The following CAMK2D variants were observed in gnomAD, a reference collection of about 807,000 sequenced individuals.
CAMK2D encodes the protein calcium/calmodulin dependent protein kinase II delta, also known as calcium/calmodulin-dependent protein kinase type II subunit delta.
In CAMK2D, 37 loss-of-function variants were observed where a neutral mutation model predicts 84.0. That is an observed-to-expected ratio of 0.44 (90% CI 0.34 to 0.58). CAMK2D has a LOEUF of 0.58. CAMK2D is among the 20% of genes least tolerant of loss of function. CAMK2D has a pLI of 0.02. For synonymous variants in CAMK2D, 202 were observed against 212.5 expected, an observed-to-expected ratio of 0.95 and a Z score of 0.43; for missense variants, 448 against 652.5, an observed-to-expected ratio of 0.69 and a Z score of 3.41.
chr4:113,655,119 G>A (rs2099193047), intron 3 of CAMK2D, among the ~76,000 whole-genome samples: 1 of 151,916 alleles, frequency 6.6e-6, no homozygotes, highest in Admixed American at 6.6e-5. Flanking sequence ...TTGATTCTTG[G>A]AAGGAAATAA....
intron 12 of CAMK2D, among the ~76,000 whole-genome samples, chr4:113,511,260 T>G (rs2098210446): frequency 1.3e-5 from 2 of 151,896 alleles, no homozygotes; most frequent in Non-Finnish European, 2.9e-5. Flanking sequence ...GTACAAGATG[T>G]TGTAACTGGG....
chr4:113,649,099 A>G (rs1244500515), intron 3 of CAMK2D, among the ~76,000 whole-genome samples: 13 of 152,178 alleles, frequency 8.5e-5, no homozygotes, highest in Admixed American at 8.5e-4. Context: ...ATCTGATTCC[A>G]CAGCAACATC....
chr4:113,664,833 T>C (rs930865110), intron 2 of CAMK2D, among the ~76,000 whole-genome samples: 1 of 152,190 alleles, frequency 6.6e-6, no homozygotes, highest in Admixed American at 6.5e-5. Context: ...GACAGAGTTT[T>C]GCTCTTGTCA....
intron 2 of CAMK2D, among the ~76,000 whole-genome samples, chr4:113,692,908 G>A (rs1366968511): frequency 1.3e-5 from 2 of 151,970 alleles, no homozygotes; most frequent in Non-Finnish European, 2.9e-5. Context: ...ATCTTTTCAA[G>A]TTCTATTAAT....
chr4:113,739,096 G>A (rs185389482), intron 2 of CAMK2D, among the ~76,000 whole-genome samples: 11 of 152,154 alleles, frequency 7.2e-5, no homozygotes, highest in Admixed American at 5.9e-4. Context: ...ATCTTGTTTT[G>A]TCAGGCAGAT....
At chr4:113,727,775 G>A (rs983737125) in intron 2 of CAMK2D, among the ~76,000 whole-genome samples, 7 of 152,024 alleles carry the variant, frequency 4.6e-5, no homozygotes, top group Non-Finnish European at 7.4e-5. Flanking sequence ...TATCTGACAC[G>A]AATTTGTATC....
chr4:113,547,759 CACT>C, intron 5 of CAMK2D, 43 bp from the exon 6 acceptor site: 1 of 1,294,858 alleles, frequency 7.7e-7, no homozygotes, highest in Non-Finnish European at 1.1e-6. Flanking sequence ...TCCAAGCTTA[CACT>C]CACTGTCTGT....
In CAMK2D at chr4:113,552,086, C is replaced by A. The variant is rs1176557296; in HGVS notation, c.286G>T (p.Gly96Cys). Residue 96 changes from glycine (G) to cysteine (C), a missense_variant, in exon 5 of 21, where the codon GGT becomes TGT. Gly to Cys is a radical substitution (Grantham distance 159, BLOSUM62 -3). This residue lies in a region of CAMK2D where 7 missense variants were observed against 25.5 expected (regional missense o/e 0.27). Transcript: ENST00000511664. Reference protein sequence around the residue: ...HYLVFDLVTGGELFEDIVARE... With the variant: ...HYLVFDLVTGCELFEDIVARE... ...GCCACTATGTCTTCAAACAGTTCAC[C>A]TCCAGTAACTCTGGGAAGATAAAAA... 1.3e-6 allele frequency: 2 copies of A among 1,567,410 alleles called. No individual in the cohort carries two copies. The highest frequency in any genetic ancestry group is 1.8e-6 in the Non-Finnish European group (2 of 1,142,834).
intron 8 of CAMK2D, among the ~76,000 whole-genome samples, chr4:113,518,889 G>T (rs1333207915): frequency 6.6e-6 from 1 of 151,438 alleles, no homozygotes; most frequent in Non-Finnish European, 1.5e-5. Context: ...GGAAGATACA[G>T]TTCATAAGCA....
intron 5 of CAMK2D, 133 bp downstream of exon 5, chr4:113,551,898 T>A: frequency 2.2e-6 from 1 of 444,684 alleles, no homozygotes; most frequent in Non-Finnish European, 4.1e-6. Flanking sequence ...TTCATGGAGT[T>A]TTTTTTCTCT....
chr4:113,580,052 G>C (rs909096219), intron 4 of CAMK2D, among the ~76,000 whole-genome samples: 2 of 152,142 alleles, frequency 1.3e-5, no homozygotes, highest in African/African-American at 2.4e-5. Context: ...CTAGGTCCCA[G>C]ATTTTACAAT....
At position 113,613,897 on chromosome 4, in the gene CAMK2D, CGAGA is replaced by C. The variant is rs375777047; in HGVS notation, c.221-4695_221-4692del. Among the ~76,000 whole-genome samples the C allele has an allele frequency of 5.4e-5, 8 of 148,422 alleles. No individual in the cohort carries two copies. The East Asian group carries it at 5.9e-4, about 11-fold the overall frequency. On this transcript the variant is annotated intron_variant, in intron 3 of 20. Transcript: ENST00000511664. ...GTGTGTGTGTGCGAGAGAGAGCGAGCGAGAGAGAGAGAGAGGAAGTGGAAATGAA... is the reference window on the plus strand; with the variant it reads ...GTGTGTGTGTGCGAGAGAGAGCGAGCGAGAGAGAGAGGAAGTGGAAATGAA...
intron 2 of CAMK2D, among the ~76,000 whole-genome samples, chr4:113,722,557 C>G (rs556957580): frequency 1.3e-5 from 2 of 152,048 alleles, no homozygotes; most frequent in African/African-American, 2.4e-5. Flanking sequence ...TTCTTAATAC[C>G]GAACCCTAGA....
chr4:113,475,086 T>C (rs2097590978), intron 16 of CAMK2D, among the ~76,000 whole-genome samples: 1 of 152,264 alleles, frequency 6.6e-6, no homozygotes, highest in Admixed American at 6.5e-5. Flanking sequence ...GTTGCTGTTG[T>C]TTAGCTTACA....
At chr4:113,665,254 A>G (rs188570343) in intron 2 of CAMK2D, among the ~76,000 whole-genome samples, 3 of 152,354 alleles carry the variant, frequency 2.0e-5, no homozygotes, top group South Asian at 2.1e-4. Context: ...TGACATCCCA[A>G]ACATGATGAT....
chr4:113,687,207 CA>C (rs2099362578), intron 2 of CAMK2D, among the ~76,000 whole-genome samples: 1 of 152,188 alleles, frequency 6.6e-6, no homozygotes, highest in African/African-American at 2.4e-5. Flanking sequence ...GTTAGATTTC[CA>C]TTCAGGTGTT....
chr4:113,626,342 A>G (rs1028464974), intron 3 of CAMK2D, among the ~76,000 whole-genome samples: 24 of 152,198 alleles, frequency 1.6e-4, no homozygotes, highest in Non-Finnish European at 2.5e-4. Flanking sequence ...TGAATATACC[A>G]CTTTAAAACT....
intron 2 of CAMK2D, among the ~76,000 whole-genome samples, chr4:113,744,335 T>C (rs767049309): frequency 1.3e-5 from 2 of 152,204 alleles, no homozygotes; most frequent in Non-Finnish European, 2.9e-5. Flanking sequence ...TAAACACTAT[T>C]GAAATTCTGC....
At chr4:113,457,003 C>T (rs910856915) in intron 19 of CAMK2D, 3 of 238,174 alleles carry the variant, frequency 1.3e-5, no homozygotes, top group Admixed American at 1.1e-4. Flanking sequence ...CTGATATCCC[C>T]TTCTTCTGTC....
Sources: allele counts gnomAD v4.1 joint callset (sites outside exome capture counted in the v4.1 genomes callset), GRCh38; gene constraint gnomAD v4.1.1; regional missense constraint gnomAD v4.1.1; transcripts MANE v1.5; gene names NCBI Gene and HGNC (gene_info 2026-07-23, HGNC 2026-07-21).